Variants in POLR2F observed in about 807,000 individuals in gnomAD.
POLR2F encodes the protein RNA polymerase II, I and III subunit F.
In POLR2F, 12 loss-of-function variants were observed where a neutral mutation model predicts 22.7. The observed-to-expected ratio is 0.53, with a 90% confidence interval of 0.34 to 0.86. The LOEUF (loss-of-function observed/expected upper bound fraction) is 0.86, where lower values mean the gene tolerates loss of function less well. Ranked by LOEUF, POLR2F falls within the 40% of genes least tolerant of loss-of-function variation. POLR2F has a pLI of 0.02. For synonymous variants in POLR2F, 57 were observed against 66.0 expected, an observed-to-expected ratio of 0.86 and a Z score of 0.66; for missense variants, 126 against 171.5, an observed-to-expected ratio of 0.73 and a Z score of 1.48.
chr22:37,987,766 A>C (rs1393345732), intron 1 of POLR2F: 1 of 204,244 alleles, frequency 4.9e-6, no homozygotes, highest in Non-Finnish European at 1.0e-5. Context: ...TGCTGTGTGG[A>C]TGCGACCTGG....
intron 1 of POLR2F, among the ~76,000 whole-genome samples, chr22:37,990,272 A>T (rs1302517842): frequency 6.6e-6 from 1 of 152,162 alleles, no homozygotes; most frequent in East Asian, 1.9e-4. Context: ...TTCTGGTGCA[A>T]GCAGAGGGTC....
intron 3 of POLR2F, among the ~76,000 whole-genome samples, chr22:37,966,151 A>G (rs1426757181): frequency 6.6e-6 from 1 of 152,238 alleles, no homozygotes; most frequent in Non-Finnish European, 1.5e-5. Flanking sequence ...GAGTCAGCAC[A>G]CGATTTCCAG....
chr22:38,002,649 G>C (rs1254897412), intron 1 of POLR2F, among the ~76,000 whole-genome samples: 1 of 152,226 alleles, frequency 6.6e-6, no homozygotes, highest in Non-Finnish European at 1.5e-5. Context: ...AGGGCTTCCC[G>C]GTGGAGGTGA....
At chr22:38,011,133 G>C (rs922168090) in intron 1 of POLR2F, among the ~76,000 whole-genome samples, 1 of 152,050 alleles carries the variant, frequency 6.6e-6, no homozygotes, top group Non-Finnish European at 1.5e-5. Flanking sequence ...ACAGGGTCTT[G>C]TTTTGTTACT....
chr22:37,974,316 G>T lies in POLR2F; in HGVS notation c.293+7146G>T. ...CAGCGGGTGCCTCTGGGAAAACCTT[G>T]TAAGTTTCACATTTTGGCAGCATGA... On this transcript the variant is annotated intron_variant, in intron 4 of 4. Coordinates refer to the POLR2F transcript ENST00000405557. This position sits in a 1 kb window ranked among gnomAD's most constrained non-coding sequence, Gnocchi z 5.4. The T allele has an allele frequency of 1.4e-6, 1 of 731,462 alleles. No individual in the cohort carries two copies. The highest frequency in any genetic ancestry group is 2.3e-6 in the Non-Finnish European group (1 of 442,492). The allele number at this position is 731,462 out of a possible 1,614,324, so 45.3% of individuals were successfully genotyped here. A position where few individuals can be genotyped will look rare whatever the true frequency, so the allele number is the denominator to read the frequency against.
chr22:38,037,685 C>T (rs1351611425), intron 5 of POLR2F, among the ~76,000 whole-genome samples: 2 of 151,682 alleles, frequency 1.3e-5, no homozygotes, highest in South Asian at 2.1e-4. Context: ...CTCCACCTCC[C>T]GGGTTCACGC....
chr22:38,040,958 G>A (rs907618962), intron 5 of POLR2F: 2 of 1,554,012 alleles, frequency 1.3e-6, no homozygotes, highest in Non-Finnish European at 8.8e-7. Flanking sequence ...GAATAATGAT[G>A]ACAACAGTGA....
chr22:38,008,869 A>C (rs562815451), intron 1 of POLR2F, among the ~76,000 whole-genome samples: 1 of 151,984 alleles, frequency 6.6e-6, no homozygotes, highest in Non-Finnish European at 1.5e-5. Flanking sequence ...AAAAAAAAAA[A>C]AAAGAAAGAA....
chr22:37,999,215 G>A (rs146889528), intron 1 of POLR2F, among the ~76,000 whole-genome samples: 4 of 152,268 alleles, frequency 2.6e-5, no homozygotes, highest in East Asian at 3.9e-4. Context: ...TGGAGTGCCA[G>A]CCTGGGGTCC....
rs1340269600 is a variant in POLR2F, at chr22:37,968,933, C to T, written c.*1218C>T. The stretch of plus-strand genomic sequence containing the variant: ...GCAGTGGACTTCACACTCCCATCCA[C>T]CCTCCTCCAAGCCTGTGGAATCCTT... On this transcript the variant is annotated 3_prime_UTR_variant, in exon 5 of 5. Transcript: ENST00000442738. 4 of 985,354 alleles carry T rather than the reference C, an allele frequency of 4.1e-6. No homozygotes were observed. In the African/African-American group the frequency reaches 7.0e-5, roughly 17 times the overall value. The allele number at this position is 985,354 out of a possible 1,614,324, so 61.0% of individuals were successfully genotyped here.
chr22:37,968,509 C>T lies in POLR2F; in HGVS notation c.*794C>T. On this transcript the variant is annotated 3_prime_UTR_variant, in exon 5 of 5. Coordinates refer to ENST00000442738, the MANE Select transcript of POLR2F (RefSeq NM_021974.5). ...ACATGGTGCTGGGGTGGTGGTGCTC[C>T]TGGGTTCCAGGTGTTACATTAAGTC... 1 of 985,914 alleles carries T rather than the reference C, an allele frequency of 1.0e-6. No homozygotes were observed. The highest frequency in any genetic ancestry group is 1.2e-6 in the Non-Finnish European group (1 of 830,310). 61.1% of individuals were successfully genotyped at this position (985,914 alleles called of 1,614,324 possible).
intron 3 of POLR2F, among the ~76,000 whole-genome samples, chr22:37,963,738 A>G (rs957173665): frequency 6.6e-6 from 1 of 152,240 alleles, no homozygotes; most frequent in Non-Finnish European, 1.5e-5. Flanking sequence ...GCTTATTTGC[A>G]AGTTAAACAG....
At chr22:38,011,838 A>G (rs796229486) in intron 1 of POLR2F, among the ~76,000 whole-genome samples, 4 of 151,954 alleles carry the variant, frequency 2.6e-5, no homozygotes, top group African/African-American at 7.2e-5. Context: ...AATTAAATCT[A>G]TAGGACAATG....
chr22:37,962,593 A>G (rs1931689085), intron 3 of POLR2F, among the ~76,000 whole-genome samples: 1 of 152,226 alleles, frequency 6.6e-6, no homozygotes, highest in South Asian at 2.1e-4. Flanking sequence ...TATGGTAGCC[A>G]TGAACTGTAT....
downstream of POLR2F, among the ~76,000 whole-genome samples, chr22:37,970,047 A>C (rs2145754717): frequency 6.6e-6 from 1 of 151,154 alleles, no homozygotes; most frequent in South Asian, 2.1e-4. Context: ...TAATCCCAGC[A>C]CTTTGGGAGG....
At chr22:37,971,633 A>G (rs1932054952), downstream of POLR2F, among the ~76,000 whole-genome samples, 1 of 151,996 alleles carries the variant, frequency 6.6e-6, no homozygotes, top group Non-Finnish European at 1.5e-5. Context: ...AGGCTTGGCT[A>G]GATCCTGGCG....
chr22:37,982,268 G>A (rs551467098), upstream of POLR2F, among the ~76,000 whole-genome samples: 2 of 152,200 alleles, frequency 1.3e-5, no homozygotes, highest in Non-Finnish European at 2.9e-5. Context: ...ACTTCTATGT[G>A]ACCTTTGTGA....
At chr22:37,992,315 G>T (rs1325041856) in intron 1 of POLR2F, among the ~76,000 whole-genome samples, 1 of 152,112 alleles carries the variant, frequency 6.6e-6, no homozygotes, top group Non-Finnish European at 1.5e-5. Context: ...GGTAGCTATT[G>T]TTACCAGCAG....
chr22:37,955,525 C>T (rs1601861081), intron 1 of POLR2F, among the ~76,000 whole-genome samples: 1 of 121,890 alleles, frequency 8.2e-6, no homozygotes, highest in Admixed American at 8.8e-5. Context: ...GACAACAGAG[C>T]GAGACTTTGT....
Sources: gnomAD v4.1 joint callset for allele counts (sites outside exome capture counted in the v4.1 genomes callset) on GRCh38, gnomAD v4.1.1 for gene constraint, Gnocchi (gnomAD v3.1) non-coding constraint, MANE v1.5 for transcripts, NCBI Gene and HGNC (gene_info 2026-07-23, HGNC 2026-07-21) for gene names.